The following RAF1 variants were observed in gnomAD, a reference collection of about 807,000 sequenced individuals.
RAF1 encodes the protein RAF proto-oncogene serine/threonine-protein kinase.
In RAF1, 27 loss-of-function variants were observed where a neutral mutation model predicts 81.1. The ratio of observed to expected loss-of-function variants is 0.33; its 90% CI spans 0.25 to 0.46. The LOEUF (loss-of-function observed/expected upper bound fraction) is 0.46, where lower values mean the gene tolerates loss of function less well. Among genes scored for constraint, RAF1 ranks in the 20% least tolerant of loss-of-function variants. RAF1 has a pLI of 1.00. For missense variants in RAF1, 598 were observed against 826.0 expected (o/e 0.72, Z 3.38); for synonymous variants, 298 against 294.0 (o/e 1.01, Z -0.14).
chr3:12,591,652 C>T (rs2125346380), intron 12 of RAF1, 56 bp downstream of exon 11: 1 of 1,480,550 alleles, frequency 6.8e-7, no homozygotes, highest in Non-Finnish European at 9.4e-7. Flanking sequence ...CTCTACAGTC[C>T]TTGTACTCCC....
chr3:12,634,697 G>A lies in RAF1; in HGVS notation c.-26-15950C>T, dbSNP rs142707766. On this transcript the variant is annotated intron_variant, in intron 1 of 17. Transcript: ENST00000442415. ...CTTGAGAGTGCCAGGGAGGGAGGAA[G>A]GGAGGAAAGTGGTTGGAGGAAGAGC... 6.6e-5 allele frequency among the ~76,000 whole-genome samples: 10 copies of A among 152,172 alleles called. No individual in the cohort carries two copies. In the East Asian group the frequency reaches 1.7e-3, roughly 27 times the overall value.
intron 1 of RAF1, among the ~76,000 whole-genome samples, chr3:12,641,824 T>C (rs1048551851): frequency 2.6e-5 from 4 of 152,126 alleles, no homozygotes; most frequent in Non-Finnish European, 5.9e-5. Context: ...AACTACGTAA[T>C]GCTAGTTGTA....
At chr3:12,626,701 A>T (rs2059713120) in intron 1 of RAF1, among the ~76,000 whole-genome samples, 1 of 152,142 alleles carries the variant, frequency 6.6e-6, no homozygotes, top group African/African-American at 2.4e-5. Context: ...TTTCTGCTCA[A>T]TGATAAAGTT....
intron 1 of RAF1, among the ~76,000 whole-genome samples, chr3:12,660,758 C>G (rs2060849906): frequency 6.6e-6 from 1 of 152,026 alleles, no homozygotes; most frequent in Non-Finnish European, 1.5e-5. Context: ...GGGTAGATCA[C>G]AAGGTCAGGA....
At chr3:12,611,020 A>C (rs1486210491) in intron 3 of RAF1, among the ~76,000 whole-genome samples, 1 of 152,190 alleles carries the variant, frequency 6.6e-6, no homozygotes, top group Non-Finnish European at 1.5e-5. Context: ...AAAAAAAATT[A>C]GTGAATGAGA....
rs186951552 is a variant in RAF1 at position 12,627,858 on chromosome 3, G to A, written c.-26-9111C>T. ...AGTGTGGCCAGGCACACTGGCTCAC[G>A]CCTGTAATCCTAGCACTATGGGAGG... On this transcript the variant is annotated intron_variant, in intron 1 of 17. Transcript: ENST00000442415. 2.3e-4 allele frequency among the ~76,000 whole-genome samples: 35 copies of A among 152,346 alleles called. No individual in the cohort carries two copies. The East Asian group carries it at 4.6e-3, about 20-fold the overall frequency.
chr3:12,635,135 G>A (rs2059978387), intron 1 of RAF1, among the ~76,000 whole-genome samples: 1 of 151,662 alleles, frequency 6.6e-6, no homozygotes, highest in Non-Finnish European at 1.5e-5. Flanking sequence ...AGACCAGCCT[G>A]GGCAATATGA....
intron 13 of RAF1, 185 bp downstream of exon 12, chr3:12,590,613 A>G: frequency 2.9e-6 from 2 of 690,824 alleles, no homozygotes; most frequent in Non-Finnish European, 5.0e-6. Flanking sequence ...GGTGTGAGCC[A>G]CCCCACCCAG....
chr3:12,603,682 A>T lies in RAF1; in HGVS notation c.835-145T>A. The T allele has an allele frequency of 7.4e-6, 4 of 543,774 alleles. No homozygotes were observed. In the South Asian group the frequency reaches 1.1e-4, roughly 15 times the overall value. The allele number at this position is 543,774 out of a possible 1,614,324, so 33.7% of individuals were successfully genotyped here. On this transcript the variant is annotated intron_variant, in intron 7 of 17. Coordinates refer to ENST00000442415, the MANE Select transcript of RAF1 (RefSeq NM_001354689.3). ...GCCAAGAGAAGAAAAAGCAGTTCAA[A>T]AACACTAGCTTTGGGCACTTTGACA...
At chr3:12,638,934 AG>A (rs1282293827) in intron 1 of RAF1, among the ~76,000 whole-genome samples, 5 of 152,240 alleles carry the variant, frequency 3.3e-5, no homozygotes, top group Non-Finnish European at 5.9e-5. Flanking sequence ...AAGAATGTAC[AG>A]GAACATGATG....
At chr3:12,633,477 T>G (rs890767799) in intron 1 of RAF1, among the ~76,000 whole-genome samples, 3 of 143,664 alleles carry the variant, frequency 2.1e-5, no homozygotes, top group African/African-American at 7.9e-5. Flanking sequence ...AGGGAGACCC[T>G]GTCTGGAAAT....
chr3:12,585,373 A>G (rs2058298744), intron 15 of RAF1, 120 bp from the exon 15 acceptor site: 1 of 1,552,232 alleles, frequency 6.4e-7, no homozygotes, highest in Admixed American at 1.9e-5. Flanking sequence ...CAGTCCCCAC[A>G]TAGCTTTTCC....
At chr3:12,647,575 CAG>C (rs1238365340) in intron 1 of RAF1, among the ~76,000 whole-genome samples, 2 of 151,524 alleles carry the variant, frequency 1.3e-5, no homozygotes, top group East Asian at 3.9e-4. Context: ...GCCTGGGCAA[CAG>C]AGTGAGACCC....
intron 1 of RAF1, among the ~76,000 whole-genome samples, chr3:12,641,740 C>A (rs1373211371): frequency 2.0e-5 from 3 of 152,080 alleles, no homozygotes; most frequent in African/African-American, 7.2e-5. Flanking sequence ...GAGCTACCTG[C>A]TTTGGCCTCC....
chr3:12,655,006 C>CCG (rs926513646), intron 1 of RAF1, among the ~76,000 whole-genome samples: 7 of 142,130 alleles, frequency 4.9e-5, no homozygotes, highest in East Asian at 7.8e-4. Flanking sequence ...TGAGACCCCC[C>CCG]CCCCGCCATC....
chr3:12,598,299 C>T (rs563566391), intron 11 of RAF1, among the ~76,000 whole-genome samples: 2 of 152,218 alleles, frequency 1.3e-5, no homozygotes, highest in South Asian at 4.1e-4. Context: ...GCGTGAGCCA[C>T]CCTGCCCAGC....
At chr3:12,649,518 G>C (rs145834393) in intron 1 of RAF1, among the ~76,000 whole-genome samples, 1 of 152,126 alleles carries the variant, frequency 6.6e-6, no homozygotes, top group Non-Finnish European at 1.5e-5. Context: ...AGGATCACTT[G>C]AGCACAGGAG....
At chr3:12,616,983 G>A (rs2059387367) in intron 2 of RAF1, among the ~76,000 whole-genome samples, 1 of 152,144 alleles carries the variant, frequency 6.6e-6, no homozygotes, top group South Asian at 2.1e-4. Context: ...CACCCAGGCT[G>A]GGGTGAAGTG....
At chr3:12,622,929 C>G (rs1158444562) in intron 1 of RAF1, among the ~76,000 whole-genome samples, 2 of 151,960 alleles carry the variant, frequency 1.3e-5, no homozygotes, top group African/African-American at 4.8e-5. Context: ...TTGGGAGGCC[C>G]AGATGGGAGG....
Sources: allele counts gnomAD v4.1 joint callset (sites outside exome capture counted in the v4.1 genomes callset), GRCh38; gene constraint gnomAD v4.1.1; transcripts MANE v1.5; gene names NCBI Gene and HGNC (gene_info 2026-07-23, HGNC 2026-07-21).